Variants in PCDHGA1 observed in about 807,000 individuals in gnomAD.
The protein encoded by PCDHGA1 is protocadherin gamma-A1.
A neutral mutation model predicts 58.0 loss-of-function variants in PCDHGA1; 32 were observed. That is an observed-to-expected ratio of 0.55 (90% confidence interval 0.42 to 0.74). The LOEUF is 0.74. Among genes scored for constraint, PCDHGA1 ranks in the 30% least tolerant of loss-of-function variants. PCDHGA1 has a pLI of 0.00. For synonymous variants in PCDHGA1, 498 were observed against 501.1 expected (o/e 0.99, Z 0.08); for missense variants, 1,205 against 1,182.3 (o/e 1.02, Z -0.28).
chr5:141,351,592 T>G, intron 1 of PCDHGA1: 3 of 1,613,928 alleles, frequency 1.9e-6, no homozygotes, highest in Non-Finnish European at 1.7e-6. Context: ...TCAACGACAA[T>G]GCACCTGTTT....
At chr5:141,363,237 CATTTTCTACA>C (rs1481168613) in intron 1 of PCDHGA1, among the ~76,000 whole-genome samples, 1 of 152,240 alleles carries the variant, frequency 6.6e-6, no homozygotes, top group Non-Finnish European at 1.5e-5. Context: ...ATGTTCACAT[CATTTTCTACA>C]AAATATTACT....
In PCDHGA1 at chr5:141,500,452, G is replaced by A. The variant is rs554196222; in HGVS notation, c.2481-4941G>A. 2.6e-3 allele frequency among the ~76,000 whole-genome samples: 398 copies of A among 151,620 alleles called. 2 individuals carry two copies. The highest frequency in any genetic ancestry group is 0.021 in the South Asian group (99 of 4,798). On this transcript the variant is annotated intron_variant, in intron 2 of 3. Transcript: ENST00000517417. ...TCTCGATCTCCTGACCTCGTGATCC[G>A]CCCGCCTCGGCCTCCCAAAGTGCTG... is the stretch of plus-strand genomic sequence containing the variant.
rs182297545 is a variant in PCDHGA1 at position 141,400,627 on chromosome 5, G to A, written c.2421+67522G>A. ...AAGTCCAATGAGTTGTCTTAGGGAA[G>A]TCAGAGCTGCTCAGAAAGCTGTCCT... On this transcript the variant is annotated intron_variant, in intron 1 of 3. Transcript: ENST00000517417. 46 of 1,441,658 alleles carry A rather than the reference G, an allele frequency of 3.2e-5. 1 individual carries two copies. In the East Asian group the frequency reaches 8.4e-4, roughly 26 times the overall value. 89.3% of individuals were successfully genotyped at this position (1,441,658 alleles called of 1,614,324 possible). A position where few individuals can be genotyped will look rare whatever the true frequency, so the allele number is the denominator to read the frequency against.
At chr5:141,423,257 G>A in intron 1 of PCDHGA1, 2 of 1,613,946 alleles carry the variant, frequency 1.2e-6, no homozygotes, top group Non-Finnish European at 1.7e-6. Context: ...GCGGACCTCG[G>A]CAGCCTCGAG....
rs1485167379 is a variant in PCDHGA1, at chr5:141,485,881, C to T, written c.2422-8926C>T. 5.0e-6 allele frequency: 8 copies of T among 1,613,984 alleles called. No homozygotes were observed. Among genetic ancestry groups the T allele is most frequent in the East Asian group, 2.2e-5 (1 of 44,880 alleles). On this transcript the variant is annotated intron_variant, in intron 1 of 3. Transcript: ENST00000517417. The surrounding 1 kb of genome is among the most constrained non-coding windows in gnomAD (Gnocchi z 5.7). ...TCCGGGTATCCGTGCTGGACGTAAACGACAACGCCCCAGCCTTCCAGCAAT... is the reference window on the plus strand; with the variant it reads ...TCCGGGTATCCGTGCTGGACGTAAATGACAACGCCCCAGCCTTCCAGCAAT...
intron 1 of PCDHGA1, chr5:141,414,747 C>T (rs556012378): frequency 6.2e-7 from 1 of 1,614,214 alleles, no homozygotes; most frequent in African/African-American, 1.3e-5. Flanking sequence ...TCAGATCCTT[C>T]GACTATGAGC....
chr5:141,491,845 G>A lies in PCDHGA1; in HGVS notation c.2422-2962G>A. 6.8e-7 allele frequency: 1 copy of A among 1,463,944 alleles called. No homozygotes were observed. The highest frequency in any genetic ancestry group is 9.0e-7 in the Non-Finnish European group (1 of 1,106,126). 90.7% of individuals were successfully genotyped at this position (1,463,944 alleles called of 1,614,324 possible). ...CTCCACCCGATTCTCGGGATCATTGGACCGTTTGCGCGAAACCAGAGTGGC... is the reference window on the plus strand; with the variant it reads ...CTCCACCCGATTCTCGGGATCATTGAACCGTTTGCGCGAAACCAGAGTGGC... On this transcript the variant is annotated intron_variant, in intron 1 of 3. Coordinates refer to ENST00000517417, the MANE Select transcript of PCDHGA1 (RefSeq NM_018912.3). This position sits in a 1 kb window ranked among gnomAD's most constrained non-coding sequence, Gnocchi z 6.9.
At chr5:141,436,473 C>CA (rs2097825744) in intron 1 of PCDHGA1, among the ~76,000 whole-genome samples, 1 of 152,112 alleles carries the variant, frequency 6.6e-6, no homozygotes, top group Non-Finnish European at 1.5e-5. Context: ...TCAGATGTAT[C>CA]ATAGAAGGAT....
intron 1 of PCDHGA1, among the ~76,000 whole-genome samples, chr5:141,483,644 G>GTGTT (rs919432945): frequency 6.8e-6 from 1 of 146,522 alleles, no homozygotes; most frequent in Non-Finnish European, 1.5e-5. Flanking sequence ...AGAGGGGTGT[G>GTGTT]TGTTTGTGTG....
chr5:141,387,037 A>G (rs2090794833), intron 1 of PCDHGA1, among the ~76,000 whole-genome samples: 1 of 152,258 alleles, frequency 6.6e-6, no homozygotes, highest in Non-Finnish European at 1.5e-5. Flanking sequence ...TTTCATAACC[A>G]GTAAAATAAT....
In PCDHGA1 at chr5:141,366,672, G is replaced by A. The variant is rs202102428; in HGVS notation, c.2421+33567G>A. ...CCCAACTACGCAGACACGCTCCTTA[G>A]TGAAGAGAGCTGTGAGAAAAGCGAG... On this transcript the variant is annotated intron_variant, in intron 1 of 3. Transcript: ENST00000517417. The A allele has an allele frequency of 1.6e-4, 266 of 1,614,142 alleles. 2 individuals carry two copies. Among genetic ancestry groups the A allele is most frequent in the Non-Finnish European group, 2.9e-5 (34 of 1,180,058 alleles).
At chr5:141,340,847 G>T (rs762713317) in intron 1 of PCDHGA1, 14 of 1,612,760 alleles carry the variant, frequency 8.7e-6, no homozygotes, top group Non-Finnish European at 1.2e-5. Context: ...CACGGGCGAG[G>T]TGCGCACGGC....
chr5:141,374,903 C>T, intron 1 of PCDHGA1: 5 of 1,613,798 alleles, frequency 3.1e-6, no homozygotes, highest in Non-Finnish European at 4.2e-6. Flanking sequence ...TGAAGGAGTC[C>T]ACGGGGAAGT....
intron 1 of PCDHGA1, chr5:141,346,212 G>A: frequency 6.2e-7 from 1 of 1,614,182 alleles, no homozygotes; most frequent in Non-Finnish European, 8.5e-7. Flanking sequence ...CCTGCTGCAG[G>A]CTTCGGGAGG....
At chr5:141,377,657 C>T (rs946526132) in intron 1 of PCDHGA1, 5 of 151,160 alleles carry the variant, frequency 3.3e-5, no homozygotes, top group East Asian at 1.9e-4. Flanking sequence ...TAACTATAAA[C>T]GACAGACGTT....
At chr5:141,345,475 G>A in intron 1 of PCDHGA1, 1 of 1,614,116 alleles carries the variant, frequency 6.2e-7, no homozygotes, top group African/African-American at 1.3e-5. Context: ...GACCCAGATA[G>A]CAACAACAAC....
chr5:141,414,271 C>T (rs1561747971), intron 1 of PCDHGA1: 3 of 1,613,292 alleles, frequency 1.9e-6, no homozygotes, highest in East Asian at 2.2e-5. Context: ...AGATTCACCT[C>T]TGGGAACAGT....
chr5:141,434,132 G>A (rs2097674012), intron 1 of PCDHGA1, among the ~76,000 whole-genome samples: 1 of 152,194 alleles, frequency 6.6e-6, no homozygotes, highest in South Asian at 2.1e-4. Context: ...CCTTTAGGCT[G>A]ATTTCTATGT....
At chr5:141,406,346 G>C (rs1296474677) in intron 1 of PCDHGA1, among the ~76,000 whole-genome samples, 1 of 152,092 alleles carries the variant, frequency 6.6e-6, no homozygotes, top group Non-Finnish European at 1.5e-5. Flanking sequence ...ATTTATTCAG[G>C]TCATACTATG....
Sources: allele counts gnomAD v4.1 joint callset (sites outside exome capture counted in the v4.1 genomes callset), GRCh38; gene constraint gnomAD v4.1.1; non-coding constraint Gnocchi (gnomAD v3.1); transcripts MANE v1.5; gene names NCBI Gene and HGNC (gene_info 2026-07-23, HGNC 2026-07-21).